The following MACF1 variants were observed in gnomAD, a reference collection of about 807,000 sequenced individuals.
MACF1 encodes microtubule-actin cross-linking factor 1.
Under a neutral mutation model 854.8 loss-of-function variants are expected in MACF1, and 193 were observed. The observed-to-expected ratio is 0.23, with a 90% CI of 0.20 to 0.25. The LOEUF is 0.25. MACF1 is among the 10% of genes least tolerant of loss of function. The pLI is 1.00. For missense variants in MACF1, 7,722 were observed against 8,929.1 expected (o/e 0.86, Z 5.45); for synonymous variants, 3,185 against 3,226.7 (o/e 0.99, Z 0.44).
Position 39,372,604 on chromosome 1 carries a change from C to A in MACF1, c.13213+8C>A. 1.3e-6 allele frequency: 2 copies of A among 1,559,782 alleles called. No individual in the cohort carries two copies. The highest frequency in any genetic ancestry group is 8.8e-7 in the Non-Finnish European group (1 of 1,131,432). On this transcript the variant is annotated splice_region_variant and intron_variant, in intron 52 of 100. Transcript: ENST00000564288. ...ATTCCCAAGGCAAGACAGGTGAGTA[C>A]AGGCTCTTCAAAATATAGTGAATAA...
intron 23 of MACF1, chr1:39,304,624 C>T (rs897887558): frequency 1.8e-6 from 1 of 556,576 alleles, no homozygotes; most frequent in Non-Finnish European, 3.2e-6. Context: ...AGTGCAGTGG[C>T]ACTATTTCAG....
chr1:39,310,203 A>G (rs369489271), intron 24 of MACF1, 42 bp from the exon 25 acceptor site: 6 of 1,519,428 alleles, frequency 3.9e-6, no homozygotes, highest in Non-Finnish European at 5.4e-6. Flanking sequence ...GAAGTGTTAC[A>G]TTTTTATTCT....
chr1:39,258,094 C>A, intron 6 of MACF1, 66 bp downstream of exon 6: 2 of 1,217,910 alleles, frequency 1.6e-6, no homozygotes, highest in Non-Finnish European at 2.4e-6. Context: ...GTTGCACTGC[C>A]TTCCACAGAC....
intron 1 of MACF1, among the ~76,000 whole-genome samples, chr1:39,219,279 A>C (rs1644619559): frequency 1.3e-5 from 2 of 152,166 alleles, no homozygotes; most frequent in Non-Finnish European, 2.9e-5. Context: ...TCTTCTAATA[A>C]ATTTATGGAG....
Position 39,380,441 on chromosome 1 carries a change from G to A in MACF1, c.13648+68G>A, listed in dbSNP as rs1018727972. On this transcript the variant is annotated intron_variant, in intron 55 of 100. Coordinates refer to ENST00000564288, the MANE Select transcript of MACF1 (RefSeq NM_001394062.1). Reference sequence around the variant, plus strand: ...TCTTCAAAGCAAGTAGAGAATTTCAGCACATCCTATAAAACAGGAATTATT... The same window carrying A: ...TCTTCAAAGCAAGTAGAGAATTTCAACACATCCTATAAAACAGGAATTATT... 4.8e-6 allele frequency: 7 copies of A among 1,466,494 alleles called. No individual in the cohort carries two copies. In the African/African-American group the frequency reaches 8.5e-5, roughly 18 times the overall value. The allele number at this position is 1,466,494 out of a possible 1,614,324, so 90.8% of individuals were successfully genotyped here.
intron 93 of MACF1, among the ~76,000 whole-genome samples, chr1:39,462,323 T>A (rs1278264759): frequency 6.6e-6 from 1 of 152,156 alleles, no homozygotes; most frequent in East Asian, 1.9e-4. Context: ...TCATCCTGGT[T>A]CACTCGTCCT....
At chr1:39,282,768 A>G (rs1645572085) in intron 7 of MACF1, among the ~76,000 whole-genome samples, 2 of 152,192 alleles carry the variant, frequency 1.3e-5, no homozygotes, top group African/African-American at 2.4e-5. Flanking sequence ...TTCTGGGGTC[A>G]GAGTGTTCCA....
chr1:39,447,409 TG>T, intron 80 of MACF1, 22 bp from the exon 81 acceptor site: 1 of 1,612,356 alleles, frequency 6.2e-7, no homozygotes, highest in South Asian at 1.1e-5. Flanking sequence ...TTTCTGTGTG[TG>T]TGTGTTTTAC....
At chr1:39,360,261 G>A (rs966760351) in intron 47 of MACF1, among the ~76,000 whole-genome samples, 1 of 151,252 alleles carries the variant, frequency 6.6e-6, no homozygotes, top group African/African-American at 2.4e-5. Flanking sequence ...CTTCCTTCTG[G>A]GCTTCTCGAG....
chr1:39,446,691 C>A (rs914283164), intron 80 of MACF1, among the ~76,000 whole-genome samples: 7 of 151,994 alleles, frequency 4.6e-5, no homozygotes, highest in African/African-American at 1.7e-4. Context: ...AGTAGGGGGG[C>A]CAGAGGCAGA....
At chr1:39,090,163 T>C (rs529574741) in intron 2 of MACF1, among the ~76,000 whole-genome samples, 61 of 152,334 alleles carry the variant, frequency 4.0e-4, no homozygotes, top group African/African-American at 1.4e-3. Context: ...GACAATCTCA[T>C]TGGGAATCCT....
intron 58 of MACF1, among the ~76,000 whole-genome samples, chr1:39,391,906 G>T (rs1445576968): frequency 6.6e-6 from 1 of 152,184 alleles, no homozygotes; most frequent in Non-Finnish European, 1.5e-5. Flanking sequence ...ACACTGATCG[G>T]CTGGGCTCTT....
intron 66 of MACF1, 120 bp from the exon 67 acceptor site, chr1:39,432,415 A>G (rs916459676): frequency 9.0e-6 from 7 of 777,332 alleles, no homozygotes; most frequent in Admixed American, 6.2e-5. Context: ...TTTTGACTCT[A>G]CTTTGTGAGA....
chr1:39,268,657 T>C, intron 6 of MACF1: 1 of 1,223,356 alleles, frequency 8.2e-7, no homozygotes, highest in Non-Finnish European at 1.0e-6. Context: ...ATCCCAGGAC[T>C]GGCTTAGCTG....
chr1:39,421,686 C>T (rs985110007), intron 58 of MACF1, among the ~76,000 whole-genome samples: 3 of 152,210 alleles, frequency 2.0e-5, no homozygotes, highest in African/African-American at 2.4e-5. Context: ...TGGTATTATT[C>T]TATTCTTCTC....
chr1:39,283,137 ATG>A lies in MACF1; in HGVS notation c.696-47_696-46del. ...CAGGAGGTTTTCTTTGTGTAAACTC[ATG>A]TGTGATGTGTAGATGGTGGCGTTTC... is the stretch of plus-strand genomic sequence containing the variant. On this transcript the variant is annotated intron_variant, in intron 7 of 100. Coordinates refer to ENST00000564288, the MANE Select transcript of MACF1 (RefSeq NM_001394062.1). This position sits in a 1 kb window ranked among gnomAD's most constrained non-coding sequence, Gnocchi z 4.5. 1 of 1,120,644 alleles carries A rather than the reference ATG, an allele frequency of 8.9e-7. No homozygotes were observed. Among genetic ancestry groups the A allele is most frequent in the Non-Finnish European group, 1.4e-6 (1 of 736,694 alleles). 69.4% of individuals were successfully genotyped at this position (1,120,644 alleles called of 1,614,324 possible).
rs751730455 is a variant in MACF1, at chr1:39,388,396, A to G, written c.15554A>G (p.His5185Arg). The change falls in exon 58 of 101, where the codon CAT (histidine) becomes CGT (arginine). Residue 5185 changes from histidine (H) to arginine (R), a missense_variant. This residue lies in a region of MACF1 where 2,807 missense variants were observed against 3,235.8 expected (regional missense o/e 0.87). Transcript: ENST00000564288. ...GAGGCCTCTGAAGCAGAGTGTCGAC[A>G]TATGCTAGAAGAAGAGGGGACTCTG... is the stretch of plus-strand genomic sequence containing the variant. ...DIEASEAECR[H>R]MLEEEGTLDL... 2 of 1,614,186 alleles carry G rather than the reference A, an allele frequency of 1.2e-6. No homozygotes were observed. Among genetic ancestry groups the G allele is most frequent in the Middle Eastern group, 1.6e-4 (1 of 6,062 alleles).
intron 2 of MACF1, among the ~76,000 whole-genome samples, chr1:39,190,391 GTTTGTT>G (rs1334713661): frequency 7.2e-5 from 3 of 41,736 alleles, no homozygotes; most frequent in Admixed American, 3.3e-4. Flanking sequence ...GTGTGTGTGT[GTTTGTT>G]TTTGTTTTTT....
chr1:39,195,587 C>T (rs1644309106), intron 2 of MACF1, among the ~76,000 whole-genome samples: 1 of 152,152 alleles, frequency 6.6e-6, no homozygotes, highest in African/African-American at 2.4e-5. Flanking sequence ...AAGTTTACTT[C>T]TCACTGGGAT....
Sources: gnomAD v4.1 joint callset for allele counts (sites outside exome capture counted in the v4.1 genomes callset) on GRCh38, gnomAD v4.1.1 for gene constraint, gnomAD v4.1.1 regional missense constraint, Gnocchi (gnomAD v3.1) non-coding constraint, MANE v1.5 for transcripts, NCBI Gene and HGNC (gene_info 2026-07-23, HGNC 2026-07-21) for gene names.